GTF2A1: variants seen among roughly 807,000 people sequenced by gnomAD.
GTF2A1 encodes transcription initiation factor IIA subunit 1.
In GTF2A1, 12 loss-of-function variants were observed where a neutral mutation model predicts 54.1. The observed-to-expected ratio is 0.22, with a 90% CI of 0.14 to 0.36. The LOEUF (loss-of-function observed/expected upper bound fraction) is 0.36, where lower values mean the gene tolerates loss of function less well. Ranked by LOEUF, GTF2A1 falls within the 10% of genes least tolerant of loss-of-function variation. The probability of loss-of-function intolerance (pLI) is 1.00; values close to 1 mark genes in which losing one functional copy is unlikely to be tolerated. For synonymous variants in GTF2A1, 145 were observed against 152.0 expected (o/e 0.95, Z 0.34); for missense variants, 335 against 442.2 (o/e 0.76, Z 2.17).
rs772810573 is a variant in GTF2A1 at position 81,216,556 on chromosome 14, AC to A, written c.31-43del. 1.3e-5 allele frequency: 11 copies of A among 870,068 alleles called. No individual in the cohort carries two copies. The East Asian group carries it at 2.7e-4, about 22-fold the overall frequency. The allele number at this position is 870,068 out of a possible 1,614,324, so 53.9% of individuals were successfully genotyped here. A position where few individuals can be genotyped will look rare whatever the true frequency, so the allele number is the denominator to read the frequency against. ...AAAGACTTGAAAAAGACAGTTTTTC[AC>A]AGCTTATAATGTATAACAGGTTTTC... is the stretch of plus-strand genomic sequence containing the variant. On this transcript the variant is annotated intron_variant, in intron 1 of 8. Transcript: ENST00000553612.
At chr14:81,182,809 C>G (rs1892667445) in intron 8 of GTF2A1, among the ~76,000 whole-genome samples, 1 of 152,188 alleles carries the variant, frequency 6.6e-6, no homozygotes, top group African/African-American at 2.4e-5. Flanking sequence ...CCTTACCTCT[C>G]TACCTACTAC....
chr14:81,216,095 T>C (rs1363457981), intron 2 of GTF2A1, among the ~76,000 whole-genome samples: 1 of 152,264 alleles, frequency 6.6e-6, no homozygotes, highest in Non-Finnish European at 1.5e-5. Context: ...AAATGTAGAA[T>C]GTTAACTATC....
intron 2 of GTF2A1, among the ~76,000 whole-genome samples, chr14:81,213,675 C>G (rs755687901): frequency 1.3e-5 from 2 of 152,126 alleles, no homozygotes; most frequent in African/African-American, 2.4e-5. Context: ...TTATATTGTT[C>G]TTCTTCCAAC....
chr14:81,198,726 C>G (rs1893042605), intron 4 of GTF2A1, among the ~76,000 whole-genome samples: 1 of 152,076 alleles, frequency 6.6e-6, no homozygotes. Flanking sequence ...TCAATCTAAC[C>G]TATACAGTTT....
At chr14:81,210,108 T>C (rs1893329978) in intron 2 of GTF2A1, among the ~76,000 whole-genome samples, 2 of 152,220 alleles carry the variant, frequency 1.3e-5, no homozygotes, top group Non-Finnish European at 2.9e-5. Flanking sequence ...CGAAAAATCC[T>C]CATGAAATGT....
chr14:81,205,861 A>G (rs749212496), intron 2 of GTF2A1, among the ~76,000 whole-genome samples: 25 of 152,188 alleles, frequency 1.6e-4, no homozygotes, highest in Non-Finnish European at 3.1e-4. Flanking sequence ...CATCTAGAAT[A>G]GCGCACCATC....
At chr14:81,183,026 C>T (rs1044560970) in intron 8 of GTF2A1, among the ~76,000 whole-genome samples, 5 of 152,102 alleles carry the variant, frequency 3.3e-5, no homozygotes, top group African/African-American at 2.4e-5. Context: ...TTTTCCATAC[C>T]GACTATCAGC....
chr14:81,201,019 T>A (rs1169103854), intron 4 of GTF2A1, among the ~76,000 whole-genome samples: 1 of 152,140 alleles, frequency 6.6e-6, no homozygotes, highest in East Asian at 1.9e-4. Context: ...TGAAATGTAA[T>A]TTGAAAATAT....
chr14:81,215,228 A>C (rs1380446630), intron 2 of GTF2A1, among the ~76,000 whole-genome samples: 1 of 152,220 alleles, frequency 6.6e-6, no homozygotes, highest in Non-Finnish European at 1.5e-5. Context: ...TTTAATATTC[A>C]GTTTGTCAGA....
intron 3 of GTF2A1, 22 bp from the exon 4 acceptor site, chr14:81,201,680 T>G (rs767873702): frequency 6.4e-7 from 1 of 1,562,936 alleles, no homozygotes; most frequent in South Asian, 1.1e-5. Flanking sequence ...CAAGCGAACA[T>G]GCAAACAAGG....
chr14:81,193,941 A>C (rs1028858639), intron 6 of GTF2A1, among the ~76,000 whole-genome samples: 1 of 152,230 alleles, frequency 6.6e-6, no homozygotes, highest in Non-Finnish European at 1.5e-5. Context: ...ACAACTCAAA[A>C]ACACAGCAGA....
intron 2 of GTF2A1, among the ~76,000 whole-genome samples, chr14:81,204,858 A>G (rs1221385451): frequency 2.0e-5 from 3 of 152,232 alleles, no homozygotes; most frequent in African/African-American, 7.2e-5. Flanking sequence ...TCATTCTTCT[A>G]CCTAACACAT....
upstream of GTF2A1, chr14:81,221,057 G>C (rs1019236868): frequency 6.5e-6 from 1 of 153,218 alleles, no homozygotes; most frequent in African/African-American, 2.4e-5. Flanking sequence ...GCGCGCCGGG[G>C]CGGAGGCCGC....
intron 2 of GTF2A1, among the ~76,000 whole-genome samples, chr14:81,207,863 G>C (rs969487411): frequency 2.0e-5 from 3 of 152,228 alleles, no homozygotes; most frequent in Non-Finnish European, 4.4e-5. Context: ...CTTGAGAGAT[G>C]ATTTAGGTTA....
Position 81,196,092 on chromosome 14 carries a change from T to C in GTF2A1, c.612+16A>G, listed in dbSNP as rs945330361. ...AAACAGAACCCCATACTGATCATAA[T>C]AGAAGATTATTTTACCTGCTGTATA... is the stretch of plus-strand genomic sequence containing the variant. On this transcript the variant is annotated intron_variant, in intron 6 of 8. Coordinates refer to ENST00000553612, the MANE Select transcript of GTF2A1 (RefSeq NM_015859.4). The C allele has an allele frequency of 6.8e-6, 11 of 1,609,914 alleles. No individual in the cohort carries two copies. The highest frequency in any genetic ancestry group is 1.1e-5 in the South Asian group (1 of 90,992).
intron 2 of GTF2A1, among the ~76,000 whole-genome samples, chr14:81,207,269 G>T (rs1193019569): frequency 6.6e-6 from 1 of 152,048 alleles, no homozygotes; most frequent in Admixed American, 6.6e-5. Flanking sequence ...CTGTGGAAGG[G>T]ACATGTAATT....
intron 7 of GTF2A1, among the ~76,000 whole-genome samples, chr14:81,188,216 C>G (rs1892791353): frequency 6.6e-6 from 1 of 152,118 alleles, no homozygotes; most frequent in Admixed American, 6.5e-5. Context: ...TTTATATATT[C>G]TGGATAGTAG....
At chr14:81,215,177 A>T (rs1402123579) in intron 2 of GTF2A1, among the ~76,000 whole-genome samples, 1 of 152,238 alleles carries the variant, frequency 6.6e-6, no homozygotes, top group Non-Finnish European at 1.5e-5. Context: ...CGGAATATCA[A>T]ACAATCAAAT....
intron 4 of GTF2A1, among the ~76,000 whole-genome samples, chr14:81,198,386 G>C (rs1208091985): frequency 6.6e-6 from 1 of 152,218 alleles, no homozygotes; most frequent in Non-Finnish European, 1.5e-5. Context: ...GGAGGTTGCA[G>C]TGAGCCGAGA....
Sources: gnomAD v4.1 joint callset for allele counts (sites outside exome capture counted in the v4.1 genomes callset) on GRCh38, gnomAD v4.1.1 for gene constraint, MANE v1.5 for transcripts, NCBI Gene and HGNC (gene_info 2026-07-23, HGNC 2026-07-21) for gene names.